Variants in NAALADL2 observed in about 807,000 individuals in gnomAD.
NAALADL2 encodes N-acetylated alpha-linked acidic dipeptidase like 2.
A neutral mutation model predicts 87.2 loss-of-function variants in NAALADL2; 76 were observed. That is an observed-to-expected ratio of 0.87 (90% CI 0.72 to 1.05). The LOEUF (loss-of-function observed/expected upper bound fraction) is 1.05, where lower values mean the gene tolerates loss of function less well. Ranked by LOEUF, NAALADL2 falls within the 50% of genes least tolerant of loss-of-function variation. The probability of loss-of-function intolerance (pLI) is 0.00; values close to 1 mark genes in which losing one functional copy is unlikely to be tolerated. For synonymous variants in NAALADL2, 354 were observed against 331.0 expected, an observed-to-expected ratio of 1.07 and a Z score of -0.75; for missense variants, 1,089 against 945.8, an observed-to-expected ratio of 1.15 and a Z score of -1.99.
At chr3:175,742,924 T>C (rs969174241) in intron 12 of NAALADL2, among the ~76,000 whole-genome samples, 11 of 152,148 alleles carry the variant, frequency 7.2e-5, no homozygotes, top group African/African-American at 2.7e-4. Context: ...GTTTCTTTTC[T>C]CCCGGTGTAG....
intron 1 of NAALADL2, among the ~76,000 whole-genome samples, chr3:174,895,843 A>G (rs1731459949): frequency 6.6e-6 from 1 of 152,204 alleles, no homozygotes; most frequent in Non-Finnish European, 1.5e-5. Flanking sequence ...AAGATCATTC[A>G]TCATGATCAA....
intron 2 of NAALADL2, among the ~76,000 whole-genome samples, chr3:174,554,118 A>G (rs1305904055): frequency 1.3e-5 from 2 of 151,966 alleles, no homozygotes; most frequent in Non-Finnish European, 1.5e-5. Context: ...TATTTTATAA[A>G]TATCTTTTAA....
At chr3:175,716,993 G>A (rs113985547) in intron 11 of NAALADL2, among the ~76,000 whole-genome samples, 1 of 152,148 alleles carries the variant, frequency 6.6e-6, no homozygotes, top group African/African-American at 2.4e-5. Context: ...AACCTGAGCT[G>A]TAATTTACTA....
At chr3:175,121,804 C>G (rs1389265087) in intron 2 of NAALADL2, among the ~76,000 whole-genome samples, 2 of 151,796 alleles carry the variant, frequency 1.3e-5, no homozygotes, top group South Asian at 2.1e-4. Flanking sequence ...GTTTGGTTGA[C>G]TTTTTGATGT....
At chr3:175,462,013 T>C (rs1339168697) in intron 6 of NAALADL2, among the ~76,000 whole-genome samples, 2 of 152,116 alleles carry the variant, frequency 1.3e-5, no homozygotes, top group Non-Finnish European at 2.9e-5. Context: ...TCCCGTATGA[T>C]ACTATCATGA....
chr3:175,731,001 G>A (rs1487954819), intron 11 of NAALADL2, among the ~76,000 whole-genome samples: 2 of 152,132 alleles, frequency 1.3e-5, no homozygotes, highest in Non-Finnish European at 2.9e-5. Flanking sequence ...AAGAAACATA[G>A]GTTTTTGTAT....
chr3:174,885,876 G>GTTTTTTTTTTTTTTTTTTTTT (rs60403770), intron 1 of NAALADL2, among the ~76,000 whole-genome samples: 1 of 101,642 alleles, frequency 9.8e-6, no homozygotes, highest in Non-Finnish European at 2.0e-5. Flanking sequence ...AGTCCGAGTT[G>GTTTTTTTTTTTTTTTTTTTTT]TTTTTTTTTT....
At chr3:174,642,164 A>T (rs1459326225) in intron 2 of NAALADL2, among the ~76,000 whole-genome samples, 1 of 152,134 alleles carries the variant, frequency 6.6e-6, no homozygotes, top group Non-Finnish European at 1.5e-5. Context: ...TGTTTATGTG[A>T]AGGAAACGCA....
chr3:175,391,681 TA>T (rs1769093920), intron 5 of NAALADL2, among the ~76,000 whole-genome samples: 1 of 152,144 alleles, frequency 6.6e-6, no homozygotes, highest in Admixed American at 6.5e-5. Context: ...AACTGTAAAA[TA>T]ATAAGAATTT....
At chr3:175,113,263 G>A (rs1580515589) in intron 2 of NAALADL2, among the ~76,000 whole-genome samples, 1 of 151,522 alleles carries the variant, frequency 6.6e-6, no homozygotes, top group Non-Finnish European at 1.5e-5. Flanking sequence ...CCCTTTCGTA[G>A]TAGCCACTTC....
At chr3:175,216,632 T>C (rs894565076) in intron 2 of NAALADL2, among the ~76,000 whole-genome samples, 7 of 151,254 alleles carry the variant, frequency 4.6e-5, no homozygotes, top group African/African-American at 1.7e-4. Context: ...TTCCAGCAGA[T>C]GTTGACAAGC....
intron 2 of NAALADL2, among the ~76,000 whole-genome samples, chr3:174,589,957 C>T (rs1439974001): frequency 6.6e-6 from 1 of 151,218 alleles, no homozygotes; most frequent in African/African-American, 2.4e-5. Flanking sequence ...TATATCTTTA[C>T]ATATTAATTA....
intron 3 of NAALADL2, among the ~76,000 whole-genome samples, chr3:174,750,900 C>CA (rs1734757465): frequency 6.6e-6 from 1 of 151,864 alleles, no homozygotes; most frequent in African/African-American, 2.4e-5. Context: ...CTCTCAAAAC[C>CA]TTTTTTTTCT....
chr3:175,005,320 A>G (rs1748869818), intron 1 of NAALADL2, among the ~76,000 whole-genome samples: 2 of 152,208 alleles, frequency 1.3e-5, no homozygotes. Flanking sequence ...ATTCAGGTCC[A>G]GTGCAAACAG....
At chr3:174,788,884 T>C (rs1717122717) in intron 3 of NAALADL2, among the ~76,000 whole-genome samples, 1 of 152,176 alleles carries the variant, frequency 6.6e-6, no homozygotes, top group African/African-American at 2.4e-5. Context: ...CATTACATTC[T>C]AATGTGAAAA....
At chr3:174,971,257 G>A (rs1282045429) in intron 1 of NAALADL2, among the ~76,000 whole-genome samples, 1 of 152,114 alleles carries the variant, frequency 6.6e-6, no homozygotes, top group Non-Finnish European at 1.5e-5. Context: ...AACCATATTG[G>A]GCATCTCCTG....
chr3:175,320,860 A>G (rs1357458730), intron 4 of NAALADL2, among the ~76,000 whole-genome samples: 1 of 149,782 alleles, frequency 6.7e-6, no homozygotes, highest in Non-Finnish European at 1.5e-5. Context: ...TACCAACCAA[A>G]AAGAGTCCAG....
chr3:174,668,493 C>CA (rs1222220642), intron 2 of NAALADL2, among the ~76,000 whole-genome samples: 1 of 152,206 alleles, frequency 6.6e-6, no homozygotes, highest in East Asian at 1.9e-4. Flanking sequence ...CATATGTATA[C>CA]ATGTGCCATG....
At chr3:175,497,064 G>A (rs1240478979) in intron 9 of NAALADL2, among the ~76,000 whole-genome samples, 2 of 151,978 alleles carry the variant, frequency 1.3e-5, no homozygotes, top group African/African-American at 2.4e-5. Flanking sequence ...GGCGTGTAGT[G>A]TTTTTAATTT....
Sources: gnomAD v4.1 joint callset for allele counts (sites outside exome capture counted in the v4.1 genomes callset) on GRCh38, gnomAD v4.1.1 for gene constraint, MANE v1.5 for transcripts, NCBI Gene and HGNC (gene_info 2026-07-23, HGNC 2026-07-21) for gene names.